Variants in ZNF529 observed in about 807,000 individuals in gnomAD.
The protein encoded by ZNF529 is zinc finger protein 529.
In ZNF529, 11 loss-of-function variants were observed where a neutral mutation model predicts 10.1. That is an observed-to-expected ratio of 1.09 (90% CI 0.69 to 1.81). ZNF529 has a LOEUF of 1.81. ZNF529 is among the 40% of genes most tolerant of loss of function. The pLI, the probability that ZNF529 is intolerant of heterozygous loss-of-function variation, is 0.00. For missense variants in ZNF529, 624 were observed against 666.8 expected (o/e 0.94, Z 0.71); for synonymous variants, 204 against 215.7 (o/e 0.95, Z 0.47).
chr19:36,575,240 T>C (rs2036288116), upstream of ZNF529, among the ~76,000 whole-genome samples: 1 of 152,212 alleles, frequency 6.6e-6, no homozygotes, highest in Non-Finnish European at 1.5e-5. Context: ...TGTATTTCAT[T>C]TTGCTTGCAG....
intron 2 of ZNF529, among the ~76,000 whole-genome samples, chr19:36,565,629 G>C (rs947538432): frequency 6.6e-6 from 1 of 152,134 alleles, no homozygotes; most frequent in Non-Finnish European, 1.5e-5. Flanking sequence ...TGACCCCAGA[G>C]GCGGAGGTTG....
intron 2 of ZNF529, among the ~76,000 whole-genome samples, chr19:36,562,012 G>A (rs2035717188): frequency 6.6e-6 from 1 of 152,170 alleles, no homozygotes; most frequent in Admixed American, 6.5e-5. Context: ...AAGGCAGGTG[G>A]ATCATCTGAG....
At chr19:36,553,050 T>A (rs2035322683) in intron 4 of ZNF529, among the ~76,000 whole-genome samples, 1 of 152,194 alleles carries the variant, frequency 6.6e-6, no homozygotes, top group African/African-American at 2.4e-5. Flanking sequence ...ACCTAAATAC[T>A]CTCTGTTGTA....
Position 36,556,107 on chromosome 19 carries a change from G to C in ZNF529, c.105C>G (p.Asp35Glu). Residue 35 changes from aspartate to glutamate, a missense_variant, in exon 3 of 5, where the codon GAC becomes GAG. Transcript: ENST00000591340. Reference protein sequence around the residue: ...PDQFFTVLTMDHELVTLRDVV... With the variant: ...PDQFFTVLTMEHELVTLRDVV... ...AAAAGAGAAGTAGTTAACTTACATGGTCCATGGTTAGAACTGTAAAGAATT... is the reference window on the plus strand; with the variant it reads ...AAAAGAGAAGTAGTTAACTTACATGCTCCATGGTTAGAACTGTAAAGAATT... The C allele has an allele frequency of 6.4e-7, 1 of 1,551,110 alleles. No individual in the cohort carries two copies. Among genetic ancestry groups the C allele is most frequent in the Non-Finnish European group, 8.7e-7 (1 of 1,146,570 alleles).
chr19:36,574,965 G>A, upstream of ZNF529: 1 of 466,988 alleles, frequency 2.1e-6, no homozygotes, highest in Non-Finnish European at 4.4e-6. Flanking sequence ...TGTGATTTGT[G>A]TGTGTGAGAT....
At chr19:36,549,193 A>T (rs1278511101) in intron 4 of ZNF529, among the ~76,000 whole-genome samples, 1 of 152,156 alleles carries the variant, frequency 6.6e-6, no homozygotes, top group Non-Finnish European at 1.5e-5. Flanking sequence ...TTGACCCTAA[A>T]TAACTTCATT....
intron 2 of ZNF529, among the ~76,000 whole-genome samples, chr19:36,586,734 G>A (rs369157251): frequency 1.3e-5 from 2 of 152,134 alleles, no homozygotes; most frequent in South Asian, 2.1e-4. Context: ...ATCATCCTCA[G>A]CTATTTTCCT....
intron 2 of ZNF529, among the ~76,000 whole-genome samples, chr19:36,568,605 G>T (rs1224193581): frequency 6.6e-6 from 1 of 151,892 alleles, no homozygotes; most frequent in Non-Finnish European, 1.5e-5. Flanking sequence ...CTGTGCAGCT[G>T]GGATTACAGG....
chr19:36,595,476 G>A (rs958482610), intron 1 of ZNF529, among the ~76,000 whole-genome samples: 2 of 152,144 alleles, frequency 1.3e-5, no homozygotes, highest in African/African-American at 4.8e-5. Flanking sequence ...AAGGTGGGAG[G>A]ACTGAGGCCA....
At chr19:36,550,810 GT>G (rs2035231279) in intron 4 of ZNF529, among the ~76,000 whole-genome samples, 2 of 152,056 alleles carry the variant, frequency 1.3e-5, no homozygotes, top group Non-Finnish European at 2.9e-5. Context: ...TACACAAAAT[GT>G]TATTAAGACT....
intron 1 of ZNF529, chr19:36,589,762 ATAAAAT>A (rs1458607952): frequency 3.9e-5 from 6 of 152,284 alleles, no homozygotes; most frequent in Non-Finnish European, 5.9e-5. Flanking sequence ...AACCAACTTG[ATAAAAT>A]TAATATTTTG....
At chr19:36,570,026 T>G (rs1310525654) in intron 2 of ZNF529, among the ~76,000 whole-genome samples, 6 of 152,090 alleles carry the variant, frequency 3.9e-5, no homozygotes, top group Non-Finnish European at 8.8e-5. Context: ...GTAAGGTCAG[T>G]GCACAGAACC....
chr19:36,546,099 T>C lies in ZNF529; in HGVS notation c.*767A>G, dbSNP rs1213082604. On this transcript the variant is annotated 3_prime_UTR_variant, in exon 5 of 5. Coordinates refer to ENST00000591340, the MANE Select transcript of ZNF529 (RefSeq NM_020951.5). ...TATATATAGTGTGTTATGTAGTGCA[T>C]GTGTGGGCATATATAGTATACATCA... 3 of 142,888 alleles carry C rather than the reference T, an allele frequency of 2.1e-5. No individual in the cohort carries two copies. Among genetic ancestry groups the C allele is most frequent in the Non-Finnish European group, 4.7e-5 (3 of 63,500 alleles). 8.9% of individuals were successfully genotyped at this position (142,888 alleles called of 1,614,324 possible). A position where few individuals can be genotyped will look rare whatever the true frequency, so the allele number is the denominator to read the frequency against.
In ZNF529 at chr19:36,545,736, A is replaced by G. The variant is rs137928661; in HGVS notation, c.*1130T>C. The G allele has an allele frequency of 4.6e-5, 7 of 152,226 alleles. No homozygotes were observed. The highest frequency in any genetic ancestry group is 1.3e-4 in the Admixed American group (2 of 15,284). The allele number at this position is 152,226 out of a possible 1,614,324, so 9.4% of individuals were successfully genotyped here. ...ATAATGATAATAGATTAAAAAAACA[A>G]TTGAAGCCATGTTAATATATAGTTG... is the stretch of plus-strand genomic sequence containing the variant. On this transcript the variant is annotated 3_prime_UTR_variant, in exon 5 of 5. Coordinates refer to ENST00000591340, the MANE Select transcript of ZNF529 (RefSeq NM_020951.5).
At chr19:36,598,817 C>T (rs2036880803) in intron 1 of ZNF529, among the ~76,000 whole-genome samples, 1 of 152,130 alleles carries the variant, frequency 6.6e-6, no homozygotes, top group African/African-American at 2.4e-5. Context: ...GATGAAAAGA[C>T]TATGTCATGT....
chr19:36,573,214 G>A lies in ZNF529; in HGVS notation c.-121C>T. ...ACGTGGACCGACCTCGCCCGGCAGC[G>A]CGGGGCCACCTCACCGCGAGCTCCT... On this transcript the variant is annotated 5_prime_UTR_variant, in exon 1 of 5. Coordinates refer to ENST00000591340, the MANE Select transcript of ZNF529 (RefSeq NM_020951.5). The A allele has an allele frequency of 3.1e-6, 1 of 323,644 alleles. No individual in the cohort carries two copies. The highest frequency in any genetic ancestry group is 2.4e-5 in the South Asian group (1 of 42,306). 20.0% of individuals were successfully genotyped at this position (323,644 alleles called of 1,614,324 possible). A position where few individuals can be genotyped will look rare whatever the true frequency, so the allele number is the denominator to read the frequency against.
chr19:36,565,989 T>C (rs1237423627), intron 2 of ZNF529, among the ~76,000 whole-genome samples: 1 of 152,212 alleles, frequency 6.6e-6, no homozygotes, highest in African/African-American at 2.4e-5. Context: ...TCTGGAATTT[T>C]GTTTGTTTGA....
intron 2 of ZNF529, among the ~76,000 whole-genome samples, chr19:36,571,815 C>A (rs1156256393): frequency 1.3e-5 from 2 of 151,946 alleles, no homozygotes; most frequent in African/African-American, 2.4e-5. Context: ...CAATGTCACA[C>A]TGCCAAATCT....
At chr19:36,594,054 A>AT (rs942935860) in intron 1 of ZNF529, 1 of 152,214 alleles carries the variant, frequency 6.6e-6, no homozygotes, top group Non-Finnish European at 1.5e-5. Flanking sequence ...TTTCTGGCCC[A>AT]TCCCACACTC....
Sources: gnomAD v4.1 joint callset for allele counts (sites outside exome capture counted in the v4.1 genomes callset) on GRCh38, gnomAD v4.1.1 for gene constraint, MANE v1.5 for transcripts, NCBI Gene and HGNC (gene_info 2026-07-23, HGNC 2026-07-21) for gene names.